The following AFAP1 variants were observed in gnomAD, a reference collection of about 807,000 sequenced individuals.
AFAP1 encodes actin filament associated protein 1.
AFAP1 carries 75 observed loss-of-function variants against 93.9 expected under a neutral mutation model. The ratio of observed to expected loss-of-function variants is 0.80; its 90% CI spans 0.66 to 0.97. The LOEUF (loss-of-function observed/expected upper bound fraction) is 0.97. AFAP1 is among the 50% of genes least tolerant of loss of function. The pLI, the probability that AFAP1 is intolerant of heterozygous loss-of-function variation, is 0.00. For synonymous variants in AFAP1, 517 were observed against 430.7 expected (o/e 1.20, Z -2.48); for missense variants, 1,201 against 1,050.8 (o/e 1.14, Z -1.98).
Position 7,863,865 on chromosome 4 carries a change from C to G in AFAP1, c.225+4757G>C, listed in dbSNP as rs79447659. Among the ~76,000 whole-genome samples, 890 of 146,576 alleles carry G rather than the reference C, an allele frequency of 6.1e-3. 7 individuals carry two copies. The highest frequency in any genetic ancestry group is 0.02 in the African/African-American group (777 of 39,592). ...GAGGTAAAAATAAAGTGCGGTTGTG[C>G]TTCAACGCATGGGAAATAGAACCTA... is the stretch of plus-strand genomic sequence containing the variant. On this transcript the variant is annotated intron_variant, in intron 3 of 17. Transcript: ENST00000420658.
Position 7,778,679 on chromosome 4 carries a change from T to C in AFAP1, c.1897+83A>G, listed in dbSNP as rs1716410276. The C allele has an allele frequency of 5.2e-6, 7 of 1,357,748 alleles. No individual in the cohort carries two copies. In the Admixed American group the frequency reaches 1.2e-4, roughly 23 times the overall value. The allele number at this position is 1,357,748 out of a possible 1,614,324, so 84.1% of individuals were successfully genotyped here. A position where few individuals can be genotyped will look rare whatever the true frequency, so the allele number is the denominator to read the frequency against. ...TCTCCAGCTGACCCCAAGCTGGCAC[T>C]CACGGGTGGGCAGGCTCAGACAGGC... On this transcript the variant is annotated intron_variant, in intron 14 of 17. Transcript: ENST00000420658.
intron 1 of AFAP1, among the ~76,000 whole-genome samples, chr4:7,916,425 G>A (rs569299796): frequency 1.2e-4 from 18 of 152,218 alleles, no homozygotes; most frequent in Middle Eastern, 3.4e-3. Context: ...ACTCACTTGC[G>A]TCTCAAAAAG....
chr4:7,801,934 A>C (rs1385338477), intron 9 of AFAP1, among the ~76,000 whole-genome samples: 5 of 151,414 alleles, frequency 3.3e-5, no homozygotes, highest in Admixed American at 6.6e-5. Context: ...AAAAAAAAAA[A>C]AAAAAAAACT....
At chr4:7,905,669 G>A (rs368116997) in intron 1 of AFAP1, among the ~76,000 whole-genome samples, 1 of 152,128 alleles carries the variant, frequency 6.6e-6, no homozygotes. Context: ...AGCACTGACT[G>A]CATGTCTGCT....
At chr4:7,886,413 C>A (rs1407377562) in intron 1 of AFAP1, among the ~76,000 whole-genome samples, 1 of 152,194 alleles carries the variant, frequency 6.6e-6, no homozygotes, top group East Asian at 1.9e-4. Flanking sequence ...AATCGCTGTG[C>A]AGTTTCAACT....
At chr4:7,910,058 T>G (rs920084817) in intron 1 of AFAP1, among the ~76,000 whole-genome samples, 3 of 152,198 alleles carry the variant, frequency 2.0e-5, no homozygotes, top group African/African-American at 7.2e-5. Flanking sequence ...TACCCTGGTA[T>G]AGGCTGCCAT....
At chr4:7,838,853 CACACAT>C in intron 5 of AFAP1, 150 bp from the exon 6 acceptor site, 1 of 707,858 alleles carries the variant, frequency 1.4e-6, no homozygotes, top group East Asian at 2.7e-5. Context: ...CACACACACA[CACACAT>C]ACACACAGTG....
chr4:7,799,639 GT>G (rs1193277934), intron 10 of AFAP1, among the ~76,000 whole-genome samples: 2 of 152,240 alleles, frequency 1.3e-5, no homozygotes, highest in Admixed American at 1.3e-4. Context: ...GTCTGTGTGT[GT>G]ATGTTTGCAT....
intron 9 of AFAP1, among the ~76,000 whole-genome samples, chr4:7,809,160 T>C (rs1345120645): frequency 6.6e-6 from 1 of 151,864 alleles, no homozygotes; most frequent in East Asian, 1.9e-4. Flanking sequence ...GCTGCACCCA[T>C]TAACTCATCA....
At chr4:7,935,802 C>T (rs1432954366) in intron 1 of AFAP1, among the ~76,000 whole-genome samples, 1 of 152,204 alleles carries the variant, frequency 6.6e-6, no homozygotes, top group Admixed American at 6.5e-5. Flanking sequence ...GAGAAAAGAA[C>T]TCTGAAATGC....
chr4:7,801,149 G>T (rs1718983113), intron 9 of AFAP1, among the ~76,000 whole-genome samples: 1 of 152,136 alleles, frequency 6.6e-6, no homozygotes, highest in Non-Finnish European at 1.5e-5. Flanking sequence ...AACTTTCCAA[G>T]AAATAGGAGG....
At chr4:7,936,515 A>G (rs980762891) in intron 1 of AFAP1, among the ~76,000 whole-genome samples, 2 of 150,742 alleles carry the variant, frequency 1.3e-5, no homozygotes, top group South Asian at 2.1e-4. Flanking sequence ...ATTAATTACC[A>G]TATTCCTTAG....
chr4:7,909,810 C>A (rs557199196), intron 1 of AFAP1, among the ~76,000 whole-genome samples: 1 of 152,176 alleles, frequency 6.6e-6, no homozygotes, highest in Non-Finnish European at 1.5e-5. Flanking sequence ...TCTATTTCAA[C>A]TGGTCTGGAG....
intron 6 of AFAP1, among the ~76,000 whole-genome samples, chr4:7,834,792 T>C (rs1038355217): frequency 6.6e-6 from 1 of 152,242 alleles, no homozygotes; most frequent in Admixed American, 6.5e-5. Context: ...ATAAGCAGGA[T>C]GGAGACCCCA....
chr4:7,889,323 C>T (rs574490019), intron 1 of AFAP1, among the ~76,000 whole-genome samples: 4 of 151,798 alleles, frequency 2.6e-5, no homozygotes, highest in East Asian at 2.0e-4. Flanking sequence ...CCAAGGGGGA[C>T]GGATCACGAG....
In AFAP1 at chr4:7,763,666, A is replaced by G; in HGVS notation, c.*99T>C. On this transcript the variant is annotated 3_prime_UTR_variant, in exon 18 of 18. Transcript: ENST00000420658. Reference sequence around the variant, plus strand: ...AGTCGTGGAGCCTCTGGAGTCGTGCAGCTGAGGCCACTCTGGGCAGAGCTT... The same window carrying G: ...AGTCGTGGAGCCTCTGGAGTCGTGCGGCTGAGGCCACTCTGGGCAGAGCTT... 6.9e-7 allele frequency: 1 copy of G among 1,446,264 alleles called. No individual in the cohort carries two copies. Among genetic ancestry groups the G allele is most frequent in the South Asian group, 1.2e-5 (1 of 81,104 alleles). 89.6% of individuals were successfully genotyped at this position (1,446,264 alleles called of 1,614,324 possible).
intron 1 of AFAP1, among the ~76,000 whole-genome samples, chr4:7,914,974 C>A (rs1284392408): frequency 6.6e-6 from 1 of 152,184 alleles, no homozygotes; most frequent in Admixed American, 6.5e-5. Context: ...GTCTTGAACT[C>A]CTGACCTCAA....
chr4:7,780,263 A>ATT (rs1348811599), intron 13 of AFAP1, among the ~76,000 whole-genome samples: 1 of 152,222 alleles, frequency 6.6e-6, no homozygotes, highest in Non-Finnish European at 1.5e-5. Context: ...CAGGGATGGG[A>ATT]TCTGAACAAC....
chr4:7,791,784 T>C (rs1353494031), intron 11 of AFAP1, among the ~76,000 whole-genome samples: 6 of 150,250 alleles, frequency 4.0e-5, no homozygotes, highest in Admixed American at 1.3e-4. Context: ...GCCCAGGAGG[T>C]TGAGGCTGCA....
Sources: gnomAD v4.1 joint callset for allele counts (sites outside exome capture counted in the v4.1 genomes callset) on GRCh38, gnomAD v4.1.1 for gene constraint, MANE v1.5 for transcripts, NCBI Gene and HGNC (gene_info 2026-07-23, HGNC 2026-07-21) for gene names.